Variants in ATP23 observed in about 807,000 individuals in gnomAD.
ATP23 encodes ATP23 metallopeptidase and ATP synthase assembly factor homolog.
In ATP23, 24 loss-of-function variants were observed where a neutral mutation model predicts 28.5. The ratio of observed to expected loss-of-function variants is 0.84; its 90% CI spans 0.61 to 1.18. The LOEUF (loss-of-function observed/expected upper bound fraction) is 1.18, where lower values mean the gene tolerates loss of function less well. Ranked by LOEUF, ATP23 falls within the 50% of genes most tolerant of loss-of-function variation. ATP23 has a pLI of 0.00. For synonymous variants in ATP23, 99 were observed against 108.6 expected (o/e 0.91, Z 0.55); for missense variants, 274 against 306.4 (o/e 0.89, Z 0.79).
rs771276724 is a variant in ATP23 at position 57,941,830 on chromosome 12, C to T, written c.129C>T (p.Ser43=). The part of the protein sequence containing the change: ...AQGNPQQGFF[S]SFFTSNQKCQ... ...GGAATCCCCAGCAAGGGTTCTTCTC[C>T]AGCTTCTTCACCAGCAACCAGAAGT... Residue 43 remains serine (S), a synonymous_variant, in exon 1 of 6, where the codon TCC becomes TCT. Coordinates refer to ENST00000300145, the MANE Select transcript of ATP23 (RefSeq NM_033276.4). 3.1e-6 allele frequency: 5 copies of T among 1,612,818 alleles called. No individual in the cohort carries two copies. The East Asian group carries it at 8.9e-5, about 29-fold the overall frequency.
At chr12:57,955,536 A>C (rs1258857821) in intron 5 of ATP23, among the ~76,000 whole-genome samples, 1 of 152,230 alleles carries the variant, frequency 6.6e-6, no homozygotes, top group Non-Finnish European at 1.5e-5. Flanking sequence ...TGATTGTAAA[A>C]TTGCATAGTC....
In ATP23 at chr12:57,956,921, CCAT is replaced by C. The variant is rs749033501; in HGVS notation, c.*38_*40del. Reference sequence around the variant, plus strand: ...ATGACATTTTTATATTACAGAGCTTCCATCATCATGAAGAAAAAAAAATTTGGT... The same window carrying C: ...ATGACATTTTTATATTACAGAGCTTCCATCATGAAGAAAAAAAAATTTGGT... On this transcript the variant is annotated 3_prime_UTR_variant, in exon 6 of 6. Coordinates refer to ENST00000300145, the MANE Select transcript of ATP23 (RefSeq NM_033276.4). 5 of 1,544,912 alleles carry C rather than the reference CCAT, an allele frequency of 3.2e-6. No individual in the cohort carries two copies. In the Admixed American group the frequency reaches 1.1e-4, roughly 34 times the overall value.
At chr12:57,947,569 T>C (rs1956774646) in intron 3 of ATP23, among the ~76,000 whole-genome samples, 1 of 151,998 alleles carries the variant, frequency 6.6e-6, no homozygotes, top group Non-Finnish European at 1.5e-5. Flanking sequence ...TGGTGGGAGG[T>C]TTTGAATGCT....
At chr12:57,954,194 C>CAAAAA (rs11357155) in intron 5 of ATP23, among the ~76,000 whole-genome samples, 40 of 71,394 alleles carry the variant, frequency 5.6e-4, no homozygotes, top group South Asian at 1.9e-3. Flanking sequence ...GACTCCATCT[C>CAAAAA]AAAAAAAAAA....
At chr12:57,955,268 G>C (rs973507380) in intron 5 of ATP23, among the ~76,000 whole-genome samples, 3 of 142,610 alleles carry the variant, frequency 2.1e-5, no homozygotes, top group Admixed American at 7.3e-5. Flanking sequence ...ATATACTAAA[G>C]AAATAGAGCA....
Position 57,941,735 on chromosome 12 carries a change from C to T in ATP23, c.34C>T (p.Pro12Ser), listed in dbSNP as rs1320436124. The T allele has an allele frequency of 6.3e-7, 1 of 1,598,386 alleles. No individual in the cohort carries two copies. Among genetic ancestry groups the T allele is most frequent in the East Asian group, 2.3e-5 (1 of 44,058 alleles). ...AGAPDERRRG[P>S]AAGEQLQQQH... ...AGCTCCGGACGAGCGCCGGCGGGGC[C>T]CCGCGGCAGGGGAGCAGCTGCAGCA... Residue 12 changes from proline to serine, a missense_variant, in exon 1 of 6, where the codon CCC becomes TCC. Transcript: ENST00000300145.
Position 57,941,652 on chromosome 12 carries a change from G to T in ATP23, c.-50G>T, listed in dbSNP as rs376717413. 20 of 1,581,518 alleles carry T rather than the reference G, an allele frequency of 1.3e-5. 1 individual carries two copies. The South Asian group carries it at 2.0e-4, about 16-fold the overall frequency. On this transcript the variant is annotated 5_prime_UTR_variant, in exon 1 of 6. Coordinates refer to ENST00000300145, the MANE Select transcript of ATP23 (RefSeq NM_033276.4). Reference sequence around the variant, plus strand: ...GAGGGAGGTTACCTTTCCCAGTCTCGCTCTGGCCGCCTGAGCCAGGAGGAA... The same window carrying T: ...GAGGGAGGTTACCTTTCCCAGTCTCTCTCTGGCCGCCTGAGCCAGGAGGAA...
chr12:57,946,014 C>T (rs747112511), intron 2 of ATP23, among the ~76,000 whole-genome samples: 3 of 151,740 alleles, frequency 2.0e-5, no homozygotes, highest in Non-Finnish European at 2.9e-5. Flanking sequence ...TACAGGCGCA[C>T]GCCACCATGC....
chr12:57,946,840 A>AT (rs1426016188), intron 2 of ATP23, among the ~76,000 whole-genome samples, 155 bp from the exon 3 acceptor site: 3 of 152,182 alleles, frequency 2.0e-5, no homozygotes, highest in Non-Finnish European at 4.4e-5. Context: ...AGGTGAGATA[A>AT]CAGTCCTGAA....
chr12:57,948,685 T>A (rs1479179280), intron 3 of ATP23, among the ~76,000 whole-genome samples: 3 of 152,190 alleles, frequency 2.0e-5, no homozygotes, highest in Non-Finnish European at 4.4e-5. Flanking sequence ...CACACCTATG[T>A]AACCACCACC....
At chr12:57,947,171 C>A in intron 3 of ATP23, 95 bp downstream of exon 3, 1 of 1,194,444 alleles carries the variant, frequency 8.4e-7, no homozygotes, top group Non-Finnish European at 1.2e-6. Flanking sequence ...GTTTGGTAGA[C>A]TTTATGTAGG....
chr12:57,954,012 G>C (rs762618593), intron 5 of ATP23, among the ~76,000 whole-genome samples: 2 of 151,956 alleles, frequency 1.3e-5, no homozygotes, highest in Non-Finnish European at 2.9e-5. Context: ...GGCCAACATG[G>C]TGAAACCCCG....
chr12:57,953,534 A>G (rs1352693251), intron 4 of ATP23, 72 bp from the exon 5 acceptor site: 8 of 1,253,262 alleles, frequency 6.4e-6, no homozygotes, highest in Non-Finnish European at 4.5e-6. Context: ...TAATTTTTAA[A>G]AATTGGTTGA....
chr12:57,951,352 C>T (rs1956812524), intron 3 of ATP23, among the ~76,000 whole-genome samples: 2 of 152,212 alleles, frequency 1.3e-5, no homozygotes, highest in Admixed American at 1.3e-4. Context: ...GATTAAGAAA[C>T]TTGCCTAAGG....
chr12:57,942,051 C>A (rs184320246), intron 1 of ATP23, among the ~76,000 whole-genome samples, 163 bp downstream of exon 1: 2 of 152,210 alleles, frequency 1.3e-5, no homozygotes, highest in Non-Finnish European at 2.9e-5. Flanking sequence ...GGCTCAGTTT[C>A]CCCACTAGAG....
At chr12:57,946,580 C>T (rs201919774) in intron 2 of ATP23, among the ~76,000 whole-genome samples, 1 of 151,168 alleles carries the variant, frequency 6.6e-6, no homozygotes, top group Non-Finnish European at 1.5e-5. Flanking sequence ...GCCTCAGCCT[C>T]CTGAGTAGCT....
In ATP23 at chr12:57,947,035, A is replaced by G; in HGVS notation, c.274A>G (p.Asn92Asp). 2 of 1,614,054 alleles carry G rather than the reference A, an allele frequency of 1.2e-6. No homozygotes were observed. Among genetic ancestry groups the G allele is most frequent in the Non-Finnish European group, 8.5e-7 (1 of 1,179,990 alleles). ...KDRHFSCEDC[N>D]GNVSGGFDAS... ...TAGACACTTTTCTTGCGAAGACTGT[A>G]ATGGAAATGTCAGTGGAGGTTTTGA... Residue 92 changes from asparagine (N) to aspartate (D), a missense_variant, in exon 3 of 6, where the codon AAT becomes GAT. Asn to Asp is a conservative substitution (Grantham distance 23, BLOSUM62 1). Coordinates refer to ENST00000300145, the MANE Select transcript of ATP23 (RefSeq NM_033276.4).
In ATP23 at chr12:57,956,953, C is replaced by A; in HGVS notation, c.*63C>A. 3 of 1,358,082 alleles carry A rather than the reference C, an allele frequency of 2.2e-6. No individual in the cohort carries two copies. The highest frequency in any genetic ancestry group is 1.5e-5 in the South Asian group (1 of 68,614). The allele number at this position is 1,358,082 out of a possible 1,614,324, so 84.1% of individuals were successfully genotyped here. ...CATGAAGAAAAAAAAATTTGGTTCT[C>A]AAGTGAACAAACATATAAAATGTAA... is the stretch of plus-strand genomic sequence containing the variant. On this transcript the variant is annotated 3_prime_UTR_variant, in exon 6 of 6. Transcript: ENST00000300145.
At chr12:57,947,270 C>G (rs1956771595) in intron 3 of ATP23, among the ~76,000 whole-genome samples, 194 bp downstream of exon 3, 1 of 152,146 alleles carries the variant, frequency 6.6e-6, no homozygotes, top group Non-Finnish European at 1.5e-5. Flanking sequence ...AAAGATAAGA[C>G]ATGAACACAG....
Sources: allele counts gnomAD v4.1 joint callset (sites outside exome capture counted in the v4.1 genomes callset), GRCh38; gene constraint gnomAD v4.1.1; transcripts MANE v1.5; gene names NCBI Gene and HGNC (gene_info 2026-07-23, HGNC 2026-07-21).